The following LCORL variants were observed in gnomAD, a reference collection of about 807,000 sequenced individuals.
LCORL encodes the protein ligand dependent nuclear receptor corepressor like.
Under a neutral mutation model 141.8 loss-of-function variants are expected in LCORL, and 41 were observed. The observed-to-expected ratio is 0.29, with a 90% CI of 0.23 to 0.38. The LOEUF is 0.38. Among genes scored for constraint, LCORL ranks in the 10% least tolerant of loss-of-function variants. The pLI, the probability that LCORL is intolerant of heterozygous loss-of-function variation, is 1.00. For synonymous variants in LCORL, 618 were observed against 694.1 expected (o/e 0.89, Z 1.72); for missense variants, 1,759 against 2,035.0 (o/e 0.86, Z 2.61).
chr4:17,953,946 G>A (rs1455846395), intron 4 of LCORL, among the ~76,000 whole-genome samples: 1 of 152,038 alleles, frequency 6.6e-6, no homozygotes, highest in East Asian at 1.9e-4. Flanking sequence ...GGCAGATCAC[G>A]AGGTCAGGAG....
At chr4:17,848,833 T>C (rs1202602097) in intron 7 of LCORL, among the ~76,000 whole-genome samples, 3 of 152,208 alleles carry the variant, frequency 2.0e-5, no homozygotes, top group Non-Finnish European at 4.4e-5. Flanking sequence ...ACCCCAATAC[T>C]GTGCTTTTCC....
At chr4:17,841,504 G>C (rs1169284621) in exon 8 of LCORL, 1 of 151,924 alleles carries the variant, frequency 6.6e-6, no homozygotes, top group Non-Finnish European at 1.5e-5. Flanking sequence ...AAATGCATTA[G>C]TAAAAGCAGG....
chr4:17,888,902 TAC>T (rs1219667826), intron 5 of LCORL, among the ~76,000 whole-genome samples: 1 of 152,150 alleles, frequency 6.6e-6, no homozygotes, highest in South Asian at 2.1e-4. Context: ...TCATTTTATG[TAC>T]AGTTTATGGC....
intron 4 of LCORL, among the ~76,000 whole-genome samples, chr4:17,950,731 T>C (rs1329941526): frequency 6.6e-6 from 1 of 152,026 alleles, no homozygotes; most frequent in Non-Finnish European, 1.5e-5. Flanking sequence ...AAAAAATCTT[T>C]CCACTTGATG....
chr4:17,898,706 TTAAC>T (rs1199248006), intron 5 of LCORL, among the ~76,000 whole-genome samples: 2 of 150,560 alleles, frequency 1.3e-5, no homozygotes, highest in Non-Finnish European at 2.9e-5. Flanking sequence ...TATAAATAAT[TTAAC>T]TAACCAGGGC....
exon 7 of LCORL, chr4:17,875,236 T>C: frequency 8.1e-7 from 1 of 1,231,620 alleles, no homozygotes; most frequent in Non-Finnish European, 1.0e-6. Flanking sequence ...ATTTTCACTT[T>C]TGCCGGTCTA....
At chr4:18,008,636 T>A (rs1350289415) in intron 1 of LCORL, among the ~76,000 whole-genome samples, 2 of 152,164 alleles carry the variant, frequency 1.3e-5, no homozygotes, top group Non-Finnish European at 2.9e-5. Context: ...AGATAAAAAT[T>A]GTACTATTTC....
intron 7 of LCORL, among the ~76,000 whole-genome samples, chr4:17,870,361 C>A (rs1253763575): frequency 1.3e-5 from 2 of 152,164 alleles, no homozygotes; most frequent in Non-Finnish European, 2.9e-5. Context: ...TCGTTTGCAA[C>A]TGCCTGAAAA....
intron 7 of LCORL, among the ~76,000 whole-genome samples, chr4:17,865,557 A>C (rs1020685493): frequency 2.0e-5 from 3 of 152,222 alleles, no homozygotes; most frequent in African/African-American, 7.2e-5. Context: ...AAATATTTTG[A>C]ATTTAATTAA....
intron 7 of LCORL, among the ~76,000 whole-genome samples, chr4:17,855,630 A>G (rs75878186): frequency 0.12 from 18,938 of 152,242 alleles, 1,397 homozygotes; most frequent in South Asian, 0.29. Context: ...GCTCTGGCCA[A>G]CAGGATCTTA....
intron 5 of LCORL, among the ~76,000 whole-genome samples, chr4:17,902,314 C>A (rs997820181): frequency 6.6e-6 from 1 of 152,038 alleles, no homozygotes; most frequent in African/African-American, 2.4e-5. Context: ...TCTATCCCTG[C>A]AGTCAGAGGA....
At chr4:17,873,334 C>T in intron 7 of LCORL, 54 bp downstream of exon 7, 1 of 1,101,846 alleles carries the variant, frequency 9.1e-7, no homozygotes, top group Non-Finnish European at 1.2e-6. Context: ...ACCTGTTATA[C>T]TTTACTCAAG....
At chr4:17,844,242 G>GTCTT (rs1420202113) in exon 8 of LCORL, 4 of 152,252 alleles carry the variant, frequency 2.6e-5, no homozygotes, top group African/African-American at 4.8e-5. Context: ...TTCATTTCTT[G>GTCTT]TCTTTTGAAA....
At chr4:18,007,220 G>C (rs1722967154) in intron 1 of LCORL, among the ~76,000 whole-genome samples, 1 of 152,142 alleles carries the variant, frequency 6.6e-6, no homozygotes, top group African/African-American at 2.4e-5. Flanking sequence ...TGAGTTAATT[G>C]CCTTATCTAT....
At chr4:17,919,504 G>A (rs1439503984) in intron 4 of LCORL, among the ~76,000 whole-genome samples, 1 of 152,092 alleles carries the variant, frequency 6.6e-6, no homozygotes, top group Non-Finnish European at 1.5e-5. Context: ...CCAGATGACT[G>A]GAAAAAAGTG....
At chr4:17,928,179 G>A (rs1407398446) in intron 4 of LCORL, among the ~76,000 whole-genome samples, 2 of 152,160 alleles carry the variant, frequency 1.3e-5, no homozygotes, top group Non-Finnish European at 2.9e-5. Context: ...TGGTAAGGTG[G>A]GTGGATCACT....
At chr4:18,004,664 A>T (rs1394124959) in intron 1 of LCORL, among the ~76,000 whole-genome samples, 1 of 152,150 alleles carries the variant, frequency 6.6e-6, no homozygotes, top group African/African-American at 2.4e-5. Flanking sequence ...ATGTTCTCAC[A>T]TTTCAAAACC....
intron 7 of LCORL, among the ~76,000 whole-genome samples, chr4:17,856,807 C>T (rs916269081): frequency 9.2e-5 from 14 of 152,320 alleles, no homozygotes; most frequent in Middle Eastern, 3.4e-3. Flanking sequence ...CAACTCCATT[C>T]ATAGGTTATG....
At chr4:17,933,925 C>A (rs938621346) in intron 4 of LCORL, among the ~76,000 whole-genome samples, 3 of 151,990 alleles carry the variant, frequency 2.0e-5, no homozygotes, top group Admixed American at 6.6e-5. Context: ...CCCTTAATTT[C>A]TTCCTTCTAC....
Sources: gnomAD v4.1 joint callset for allele counts (sites outside exome capture counted in the v4.1 genomes callset) on GRCh38, gnomAD v4.1.1 for gene constraint, MANE v1.5 for transcripts, NCBI Gene and HGNC (gene_info 2026-07-23, HGNC 2026-07-21) for gene names.